The following ASAP3 variants were observed in gnomAD, a reference collection of about 807,000 sequenced individuals.
ASAP3 encodes the protein arf-GAP with SH3 domain, ANK repeat and PH domain-containing protein 3.
In ASAP3, 85 loss-of-function variants were observed where a neutral mutation model predicts 118.2. The ratio of observed to expected loss-of-function variants is 0.72; its 90% CI spans 0.60 to 0.86. The LOEUF (loss-of-function observed/expected upper bound fraction) is 0.86, where lower values mean the gene tolerates loss of function less well. Among genes scored for constraint, ASAP3 ranks in the 40% least tolerant of loss-of-function variants. The probability of loss-of-function intolerance (pLI) is 0.00; values close to 1 mark genes in which losing one functional copy is unlikely to be tolerated. For missense variants in ASAP3, 1,026 were observed against 1,175.0 expected, an observed-to-expected ratio of 0.87 and a Z score of 1.85; for synonymous variants, 432 against 477.4, an observed-to-expected ratio of 0.90 and a Z score of 1.24.
At chr1:23,468,534 A>T (rs922766187) in intron 1 of ASAP3, among the ~76,000 whole-genome samples, 2 of 152,180 alleles carry the variant, frequency 1.3e-5, no homozygotes, top group African/African-American at 4.8e-5. Flanking sequence ...AGTGTCCACA[A>T]AGATGATTAA....
intron 1 of ASAP3, among the ~76,000 whole-genome samples, chr1:23,459,263 G>A (rs764307981): frequency 4.6e-5 from 7 of 151,726 alleles, no homozygotes; most frequent in Non-Finnish European, 7.4e-5. Flanking sequence ...CACACAGAAG[G>A]TGCCCAATAA....
chr1:23,436,937 C>T lies in ASAP3; in HGVS notation c.1450G>A (p.Asp484Asn). 13 of 1,612,428 alleles carry T rather than the reference C, an allele frequency of 8.1e-6. No individual in the cohort carries two copies. Among genetic ancestry groups the T allele is most frequent in the Non-Finnish European group, 1.1e-5 (13 of 1,179,854 alleles). ...RFSRMQSLTL[D>N]LLGPSELLLA... ...AACAACTCGGAGGGGCCCAGCAGGT[C>T]CAAGGTGAGTGACTGCATGCGCGAA... Residue 484 changes from aspartate to asparagine, a missense_variant, in exon 15 of 25, where the codon GAC becomes AAC. Transcript: ENST00000336689. The surrounding 1 kb of genome is among the most constrained non-coding windows in gnomAD (Gnocchi z 4.2).
At chr1:23,445,191 G>T (rs562390542) in intron 5 of ASAP3, among the ~76,000 whole-genome samples, 1 of 152,188 alleles carries the variant, frequency 6.6e-6, no homozygotes, top group Non-Finnish European at 1.5e-5. Context: ...CTGGCAGCTT[G>T]CTATGGAATT....
intron 1 of ASAP3, among the ~76,000 whole-genome samples, chr1:23,471,075 G>T (rs1011364216): frequency 1.3e-5 from 2 of 152,216 alleles, no homozygotes; most frequent in Non-Finnish European, 2.9e-5. Flanking sequence ...GGGTTCCCTT[G>T]TTGGCCAGGA....
Position 23,429,633 on chromosome 1 carries a change from G to T in ASAP3, c.*223C>A. 2.1e-6 allele frequency: 1 copy of T among 467,882 alleles called. No individual in the cohort carries two copies. The highest frequency in any genetic ancestry group is 3.8e-6 in the Non-Finnish European group (1 of 261,890). 29.0% of individuals were successfully genotyped at this position (467,882 alleles called of 1,614,324 possible). A position where few individuals can be genotyped will look rare whatever the true frequency, so the allele number is the denominator to read the frequency against. The stretch of plus-strand genomic sequence containing the variant: ...CACAGGGCTCCCAGGCCCCTAGCGG[G>T]TAATGAGATAGGAAAGAACCGCCAT... On this transcript the variant is annotated 3_prime_UTR_variant, in exon 25 of 25. Transcript: ENST00000336689.
chr1:23,455,849 G>A lies in ASAP3; in HGVS notation c.348+32C>T, dbSNP rs774423010. ...TTCTTAAGACCACTAGATTTACCCT[G>A]AGTCTGGGCAAGGAAGAGACAGGGG... On this transcript the variant is annotated intron_variant, in intron 3 of 24. Coordinates refer to ENST00000336689, the MANE Select transcript of ASAP3 (RefSeq NM_017707.4). The A allele has an allele frequency of 1.6e-5, 25 of 1,612,582 alleles. No homozygotes were observed. The East Asian group carries it at 3.8e-4, about 24-fold the overall frequency.
intron 3 of ASAP3, among the ~76,000 whole-genome samples, chr1:23,453,936 G>A (rs1213982655): frequency 1.3e-5 from 2 of 152,188 alleles, no homozygotes; most frequent in African/African-American, 2.4e-5. Flanking sequence ...CCACTAGACA[G>A]CAGACCCCCA....
upstream of ASAP3, chr1:23,484,339 C>G (rs1169903198): frequency 3.9e-5 from 17 of 436,952 alleles, no homozygotes; most frequent in Non-Finnish European, 5.9e-5. Flanking sequence ...CCTCCACCGC[C>G]AAGGTCCAGG....
At position 23,442,490 on chromosome 1, in the gene ASAP3, G is replaced by A. The variant is rs556958949; in HGVS notation, c.585+11C>T. The A allele has an allele frequency of 1.4e-4, 224 of 1,612,298 alleles. 3 individuals carry two copies. In the South Asian group the frequency reaches 2.0e-3, roughly 14 times the overall value. On this transcript the variant is annotated intron_variant, in intron 6 of 24. Coordinates refer to ENST00000336689, the MANE Select transcript of ASAP3 (RefSeq NM_017707.4). ...CCACGCCCCCCCTCCCTCATCCAGA[G>A]CACCCCTTACCTCACACATGTGCAG...
chr1:23,447,590 G>C (rs1406088261), intron 5 of ASAP3, among the ~76,000 whole-genome samples: 1 of 152,130 alleles, frequency 6.6e-6, no homozygotes, highest in Non-Finnish European at 1.5e-5. Context: ...TAATGCATAG[G>C]AAACAGTACA....
At chr1:23,465,431 C>T (rs1325980085) in intron 1 of ASAP3, among the ~76,000 whole-genome samples, 2 of 152,186 alleles carry the variant, frequency 1.3e-5, no homozygotes, top group Non-Finnish European at 1.5e-5. Flanking sequence ...ATGAAGCTGT[C>T]AGGAGGAGGA....
Position 23,431,717 on chromosome 1 carries a change from A to G in ASAP3, c.2525T>C (p.Met842Thr), listed in dbSNP as rs905864851. The G allele has an allele frequency of 3.0e-5, 45 of 1,522,240 alleles. No individual in the cohort carries two copies. The highest frequency in any genetic ancestry group is 3.7e-5 in the Non-Finnish European group (42 of 1,140,718). 94.3% of individuals were successfully genotyped at this position (1,522,240 alleles called of 1,614,324 possible). Residue 842 changes from methionine to threonine, a missense_variant, in exon 23 of 25, where the codon ATG becomes ACG. By Grantham distance (81) the Met-to-Thr change is moderately conservative. Coordinates refer to ENST00000336689, the MANE Select transcript of ASAP3 (RefSeq NM_017707.4). ...SLTSGTTPSEMYLPVRFSSES... is the reference protein window; with the variant it reads ...SLTSGTTPSETYLPVRFSSES... ...CAACCTGAATCTGACGGGGAGGTACATCTCCGAAGGGGTGGTCCCGGATGT... is the reference window on the plus strand; with the variant it reads ...CAACCTGAATCTGACGGGGAGGTACGTCTCCGAAGGGGTGGTCCCGGATGT...
intron 1 of ASAP3, among the ~76,000 whole-genome samples, chr1:23,481,457 G>T (rs948296388): frequency 6.6e-6 from 1 of 152,164 alleles, no homozygotes; most frequent in Non-Finnish European, 1.5e-5. Flanking sequence ...AAATATAAAT[G>T]CAAATGCAAA....
intron 17 of ASAP3, among the ~76,000 whole-genome samples, chr1:23,435,405 T>C (rs550308175): frequency 6.6e-6 from 1 of 152,360 alleles, no homozygotes; most frequent in South Asian, 2.1e-4. Flanking sequence ...ATATCCTTTC[T>C]CCATGCTCAT....
At chr1:23,431,252 A>G (rs2148598781) in intron 23 of ASAP3, 127 bp from the exon 24 acceptor site, 4 of 921,808 alleles carry the variant, frequency 4.3e-6, no homozygotes, top group East Asian at 2.7e-5. Context: ...CAAGGCCCCC[A>G]GGCCAGGTCC....
intron 1 of ASAP3, among the ~76,000 whole-genome samples, chr1:23,457,417 G>A (rs1445030596): frequency 2.6e-5 from 4 of 152,220 alleles, no homozygotes; most frequent in African/African-American, 9.6e-5. Context: ...GCAATGTGGA[G>A]TGTTCTCAGA....
chr1:23,469,024 G>A (rs1054514380), intron 1 of ASAP3, among the ~76,000 whole-genome samples: 3 of 151,848 alleles, frequency 2.0e-5, no homozygotes, highest in African/African-American at 7.3e-5. Flanking sequence ...GAAAATGCAG[G>A]TCAGGTGTTG....
intron 1 of ASAP3, among the ~76,000 whole-genome samples, chr1:23,472,952 T>G (rs1260848285): frequency 1.3e-5 from 2 of 152,078 alleles, no homozygotes; most frequent in Non-Finnish European, 2.9e-5. Flanking sequence ...CAAACCCAAG[T>G]CTGTCTGACT....
At chr1:23,456,935 T>G (rs1641409064) in intron 1 of ASAP3, among the ~76,000 whole-genome samples, 1 of 151,754 alleles carries the variant, frequency 6.6e-6, no homozygotes, top group South Asian at 2.1e-4. Context: ...AGAACAAACA[T>G]CAGAATGTGG....
Sources: gnomAD v4.1 joint callset for allele counts (sites outside exome capture counted in the v4.1 genomes callset) on GRCh38, gnomAD v4.1.1 for gene constraint, Gnocchi (gnomAD v3.1) non-coding constraint, MANE v1.5 for transcripts, NCBI Gene and HGNC (gene_info 2026-07-23, HGNC 2026-07-21) for gene names.